Variants in CERS3 observed in about 807,000 individuals in gnomAD.
The protein encoded by CERS3 is ceramide synthase 3.
Under a neutral mutation model 50.3 loss-of-function variants are expected in CERS3, and 33 were observed. The observed-to-expected ratio is 0.66, with a 90% CI of 0.50 to 0.88. The LOEUF is 0.88. Among genes scored for constraint, CERS3 ranks in the 40% least tolerant of loss-of-function variants. CERS3 has a pLI of 0.00. For missense variants in CERS3, 470 were observed against 460.3 expected (o/e 1.02, Z -0.19); for synonymous variants, 176 against 155.2 (o/e 1.13, Z -0.99).
chr15:100,424,337 G>A (rs1184634151), intron 11 of CERS3, among the ~76,000 whole-genome samples: 3 of 152,212 alleles, frequency 2.0e-5, no homozygotes, highest in Non-Finnish European at 4.4e-5. Context: ...TGTGAAAGCA[G>A]CTTTGAAACT....
At chr15:100,456,226 C>T (rs1238066372) in intron 10 of CERS3, among the ~76,000 whole-genome samples, 180 bp from the exon 11 acceptor site, 2 of 151,946 alleles carry the variant, frequency 1.3e-5, no homozygotes, top group Non-Finnish European at 2.9e-5. Context: ...TGGCAAGCAA[C>T]AAAAAAAGTA....
chr15:100,512,789 G>A (rs571307999), intron 2 of CERS3, among the ~76,000 whole-genome samples: 4 of 151,930 alleles, frequency 2.6e-5, no homozygotes, highest in East Asian at 1.9e-4. Context: ...AAAAGGCCTC[G>A]GAAGTCCAAA....
At chr15:100,418,485 G>T (rs1024039985) in intron 11 of CERS3, among the ~76,000 whole-genome samples, 1 of 149,018 alleles carries the variant, frequency 6.7e-6, no homozygotes, top group African/African-American at 2.5e-5. Flanking sequence ...GGGGAAAATG[G>T]AACCAAGTTG....
chr15:100,467,134 C>T (rs941331653), intron 10 of CERS3, among the ~76,000 whole-genome samples: 7 of 151,908 alleles, frequency 4.6e-5, no homozygotes, highest in African/African-American at 1.7e-4. Flanking sequence ...GGGATATAGG[C>T]GTGAGCCACT....
intron 1 of CERS3, among the ~76,000 whole-genome samples, chr15:100,536,292 T>C (rs1209332990): frequency 6.6e-6 from 1 of 152,204 alleles, no homozygotes; most frequent in Non-Finnish European, 1.5e-5. Flanking sequence ...TTGTTTTTTA[T>C]GCTTGTTTTT....
At chr15:100,442,415 A>G (rs539795851) in intron 11 of CERS3, among the ~76,000 whole-genome samples, 13 of 152,346 alleles carry the variant, frequency 8.5e-5, no homozygotes, top group African/African-American at 3.1e-4. Flanking sequence ...AGAGGCAGCC[A>G]AGTAACAATG....
chr15:100,454,795 GA>G (rs35343051), intron 11 of CERS3, among the ~76,000 whole-genome samples: 73,781 of 151,836 alleles, frequency 0.49, 18,350 homozygotes, highest in Non-Finnish European at 0.54. Context: ...TTGAATGGGA[GA>G]AAATATTTGC....
At chr15:100,540,487 T>C (rs1267381424) in intron 1 of CERS3, among the ~76,000 whole-genome samples, 3 of 152,198 alleles carry the variant, frequency 2.0e-5, no homozygotes, top group African/African-American at 7.2e-5. Flanking sequence ...GAGGTTGCAG[T>C]GAGCTGAAAT....
intron 9 of CERS3, among the ~76,000 whole-genome samples, chr15:100,470,257 G>A (rs1488392232): frequency 6.6e-6 from 1 of 152,130 alleles, no homozygotes; most frequent in Non-Finnish European, 1.5e-5. Context: ...TAGGGAACGT[G>A]GCTTAGACTT....
intron 5 of CERS3, among the ~76,000 whole-genome samples, chr15:100,484,167 G>C (rs2035415282): frequency 6.6e-6 from 1 of 152,052 alleles, no homozygotes; most frequent in African/African-American, 2.4e-5. Context: ...TTGGATACAG[G>C]TGATAAAGTC....
chr15:100,444,860 G>A (rs113847677), intron 11 of CERS3, among the ~76,000 whole-genome samples: 63 of 152,306 alleles, frequency 4.1e-4, no homozygotes, highest in African/African-American at 1.2e-3. Flanking sequence ...CCTTCTGTCA[G>A]ACATAATTCC....
chr15:100,515,021 T>C (rs2036451243), intron 2 of CERS3, among the ~76,000 whole-genome samples: 1 of 152,234 alleles, frequency 6.6e-6, no homozygotes, highest in African/African-American at 2.4e-5. Flanking sequence ...ATAAAATTGC[T>C]GTATCTGAGT....
At chr15:100,498,701 A>G (rs749243553) in intron 3 of CERS3, among the ~76,000 whole-genome samples, 1 of 152,166 alleles carries the variant, frequency 6.6e-6, no homozygotes, top group Non-Finnish European at 1.5e-5. Context: ...TAGACATCCC[A>G]TATCTCCCTT....
At chr15:100,413,510 GACTATACTATACTATACTATACTAT>G (rs56261519) in intron 11 of CERS3, among the ~76,000 whole-genome samples, 77,153 of 149,616 alleles carry the variant, frequency 0.52, 20,368 homozygotes, top group Middle Eastern at 0.59. Flanking sequence ...CACAACTGAC[GACTATACTATACTATACTATACTAT>G]ACTATACTAT....
At chr15:100,515,897 A>G (rs1438884168) in intron 2 of CERS3, among the ~76,000 whole-genome samples, 1 of 152,204 alleles carries the variant, frequency 6.6e-6, no homozygotes, top group South Asian at 2.1e-4. Context: ...GCTCCTCTTC[A>G]CTGGCCATCT....
intron 11 of CERS3, among the ~76,000 whole-genome samples, chr15:100,449,494 C>T (rs755947155): frequency 2.6e-5 from 4 of 152,228 alleles, no homozygotes; most frequent in Non-Finnish European, 5.9e-5. Context: ...TGCCCAAGGA[C>T]AGGACCATTT....
At chr15:100,426,971 C>T (rs1039497102) in intron 11 of CERS3, among the ~76,000 whole-genome samples, 2 of 152,226 alleles carry the variant, frequency 1.3e-5, no homozygotes, top group Non-Finnish European at 2.9e-5. Context: ...CTGCACTCTT[C>T]AGCTCTCCAA....
chr15:100,484,450 T>C, intron 5 of CERS3, 100 bp downstream of exon 5: 1 of 831,332 alleles, frequency 1.2e-6, no homozygotes, highest in Non-Finnish European at 2.0e-6. Flanking sequence ...GAGCTGGGTC[T>C]GAACCCTCCC....
At chr15:100,542,641 T>G (rs1246967150) in intron 1 of CERS3, among the ~76,000 whole-genome samples, 2 of 152,228 alleles carry the variant, frequency 1.3e-5, no homozygotes, top group African/African-American at 4.8e-5. Flanking sequence ...ATAATTAGTA[T>G]GCAATAATTA....
Sources: allele counts gnomAD v4.1 joint callset (sites outside exome capture counted in the v4.1 genomes callset), GRCh38; gene constraint gnomAD v4.1.1; transcripts MANE v1.5; gene names NCBI Gene and HGNC (gene_info 2026-07-23, HGNC 2026-07-21).